PEPD: variants seen among roughly 807,000 people sequenced by gnomAD.
The protein encoded by PEPD is peptidase D.
PEPD carries 53 observed loss-of-function variants against 60.7 expected under a neutral mutation model. The observed-to-expected ratio is 0.87, with a 90% CI of 0.70 to 1.10. The LOEUF is 1.10. PEPD is among the 50% of genes least tolerant of loss of function. The pLI is 0.00. For missense variants in PEPD, 711 were observed against 711.9 expected (o/e 1.00, Z 0.01); for synonymous variants, 267 against 284.1 (o/e 0.94, Z 0.60).
intron 7 of PEPD, among the ~76,000 whole-genome samples, chr19:33,477,513 G>A (rs1970239526): frequency 6.6e-6 from 1 of 152,194 alleles, no homozygotes; most frequent in Non-Finnish European, 1.5e-5. Flanking sequence ...ACTGGGATGC[G>A]AGGGCCACCT....
intron 6 of PEPD, among the ~76,000 whole-genome samples, chr19:33,488,535 C>T (rs1970437996): frequency 1.3e-5 from 2 of 152,124 alleles, no homozygotes; most frequent in South Asian, 2.1e-4. Context: ...CCTCTGAGGG[C>T]CTGGGGGCCT....
At chr19:33,451,023 T>C (rs1479691157) in intron 9 of PEPD, among the ~76,000 whole-genome samples, 2 of 152,220 alleles carry the variant, frequency 1.3e-5, no homozygotes, top group Non-Finnish European at 2.9e-5. Context: ...ACTCTGCATG[T>C]AATTAAAAGT....
At chr19:33,509,246 C>T (rs943544546) in intron 3 of PEPD, among the ~76,000 whole-genome samples, 17 of 152,262 alleles carry the variant, frequency 1.1e-4, no homozygotes, top group African/African-American at 3.9e-4. Flanking sequence ...GCAGAAGCCC[C>T]AAAGGCAGTT....
rs1451144161 is a variant in PEPD, at chr19:33,493,289, C to G, written c.441+1G>C. On this transcript the variant is annotated splice_donor_variant, in intron 5 of 14. Coordinates refer to ENST00000244137, the MANE Select transcript of PEPD (RefSeq NM_000285.4). LOFTEE classifies it high-confidence loss of function. ...CCCACCCCTGGACACCAGCCACTTA[C>G]CAAAGTGAGGAGGACAGAGGGCTTC... 6.2e-7 allele frequency: 1 copy of G among 1,611,682 alleles called. No homozygotes were observed. Among genetic ancestry groups the G allele is most frequent in the African/African-American group, 1.3e-5 (1 of 74,836 alleles).
intron 12 of PEPD, 118 bp from the exon 13 acceptor site, chr19:33,391,597 G>A: frequency 1.1e-6 from 1 of 949,880 alleles, no homozygotes; most frequent in African/African-American, 1.6e-5. Context: ...TGAGGTGGGG[G>A]GTGAGGGGGC....
At chr19:33,411,202 G>C (rs558366108) in intron 11 of PEPD, among the ~76,000 whole-genome samples, 37 of 152,312 alleles carry the variant, frequency 2.4e-4, no homozygotes, top group African/African-American at 8.9e-4. Context: ...CTGAACGCAG[G>C]GCCGCAGAGG....
At chr19:33,415,559 C>T (rs918188447) in intron 9 of PEPD, among the ~76,000 whole-genome samples, 2 of 152,060 alleles carry the variant, frequency 1.3e-5, no homozygotes, top group African/African-American at 4.8e-5. Flanking sequence ...AAAGGGGAGG[C>T]AGTGAGGAAA....
intron 9 of PEPD, among the ~76,000 whole-genome samples, chr19:33,439,481 G>A (rs1384881300): frequency 6.6e-6 from 1 of 152,242 alleles, no homozygotes; most frequent in Non-Finnish European, 1.5e-5. Flanking sequence ...CGTGGGCCTA[G>A]GCCAGGGCGG....
intron 6 of PEPD, among the ~76,000 whole-genome samples, chr19:33,489,485 C>A (rs1459500220): frequency 6.6e-6 from 1 of 152,030 alleles, no homozygotes; most frequent in East Asian, 1.9e-4. Flanking sequence ...AAAAATTAGC[C>A]GGGTGTAGTG....
At chr19:33,417,686 C>A (rs768110721) in intron 9 of PEPD, among the ~76,000 whole-genome samples, 1 of 152,152 alleles carries the variant, frequency 6.6e-6, no homozygotes, top group African/African-American at 2.4e-5. Context: ...ACCTAGCCAT[C>A]GTGGTCACTG....
At chr19:33,435,006 C>T (rs1014381859) in intron 9 of PEPD, among the ~76,000 whole-genome samples, 7 of 152,020 alleles carry the variant, frequency 4.6e-5, no homozygotes, top group African/African-American at 1.4e-4. Context: ...CCCAGGGACT[C>T]GGGAAAGATC....
chr19:33,387,270 G>A lies in PEPD; in HGVS notation c.*74C>T, dbSNP rs1968092843. The A allele has an allele frequency of 1.6e-5, 25 of 1,577,242 alleles. No individual in the cohort carries two copies. In the South Asian group the frequency reaches 2.6e-4, roughly 16 times the overall value. On this transcript the variant is annotated 3_prime_UTR_variant, in exon 15 of 15. Coordinates refer to ENST00000244137, the MANE Select transcript of PEPD (RefSeq NM_000285.4). Reference sequence around the variant, plus strand: ...TGCCGTCTCTCGCTACTGGAGTGCTGACCAGCAGGCTGCCCATCACGAAAA... The same window carrying A: ...TGCCGTCTCTCGCTACTGGAGTGCTAACCAGCAGGCTGCCCATCACGAAAA...
intron 12 of PEPD, among the ~76,000 whole-genome samples, 179 bp from the exon 13 acceptor site, chr19:33,391,658 G>A (rs1052647588): frequency 5.3e-5 from 8 of 152,192 alleles, no homozygotes; most frequent in African/African-American, 1.9e-4. Context: ...GTGGCCCCCC[G>A]TGCTGGGCTT....
intron 6 of PEPD, among the ~76,000 whole-genome samples, chr19:33,480,395 G>A (rs1245894056): frequency 6.6e-6 from 1 of 152,192 alleles, no homozygotes; most frequent in Non-Finnish European, 1.5e-5. Context: ...TAAGATGTAT[G>A]TATCAAAAAC....
intron 4 of PEPD, among the ~76,000 whole-genome samples, chr19:33,497,432 G>A (rs1000965501): frequency 6.6e-5 from 10 of 152,274 alleles, no homozygotes; most frequent in Non-Finnish European, 1.5e-4. Context: ...CCCCACTCAA[G>A]GTTCTGCTGA....
At chr19:33,398,610 C>T (rs916640770) in intron 12 of PEPD, among the ~76,000 whole-genome samples, 1 of 152,266 alleles carries the variant, frequency 6.6e-6, no homozygotes, top group Non-Finnish European at 1.5e-5. Context: ...GGATCTGAAA[C>T]ACTGATCATT....
At chr19:33,457,989 T>C (rs1219526959) in intron 9 of PEPD, among the ~76,000 whole-genome samples, 1 of 152,138 alleles carries the variant, frequency 6.6e-6, no homozygotes. Flanking sequence ...CTGTATGGGT[T>C]GGGGGGCGGG....
chr19:33,511,359 T>A (rs1371606566), intron 2 of PEPD: 1 of 581,564 alleles, frequency 1.7e-6, no homozygotes, highest in African/African-American at 1.8e-5. Context: ...TGGCAGCTCC[T>A]CTACCCTGCT....
chr19:33,519,717 T>C (rs1273279947), intron 1 of PEPD, among the ~76,000 whole-genome samples: 1 of 152,194 alleles, frequency 6.6e-6, no homozygotes. Context: ...CACTCTGTTT[T>C]GCCTCCCTCA....
Sources: allele counts gnomAD v4.1 joint callset (sites outside exome capture counted in the v4.1 genomes callset), GRCh38; gene constraint gnomAD v4.1.1; transcripts MANE v1.5; gene names NCBI Gene and HGNC (gene_info 2026-07-23, HGNC 2026-07-21).